EGLN3: variants seen among roughly 807,000 people sequenced by gnomAD.
The protein encoded by EGLN3 is prolyl hydroxylase EGLN3.
A neutral mutation model predicts 26.0 loss-of-function variants in EGLN3; 15 were observed. The observed-to-expected ratio is 0.58, with a 90% confidence interval of 0.39 to 0.89. The LOEUF is 0.89. Ranked by LOEUF, EGLN3 falls within the 40% of genes least tolerant of loss-of-function variation. The pLI, the probability that EGLN3 is intolerant of heterozygous loss-of-function variation, is 0.00. For synonymous variants in EGLN3, 147 were observed against 127.2 expected (o/e 1.16, Z -1.05); for missense variants, 238 against 311.6 (o/e 0.76, Z 1.78).
chr14:33,928,962 A>T (rs530473401), intron 3 of EGLN3, 114 bp downstream of exon 3: 66 of 1,293,548 alleles, frequency 5.1e-5, no homozygotes, highest in Non-Finnish European at 6.8e-5. Flanking sequence ...GTTTGCTATC[A>T]GCTATGGGGT....
intron 1 of EGLN3, among the ~76,000 whole-genome samples, chr14:33,941,559 CA>C (rs3216003): frequency 0.17 from 25,753 of 150,160 alleles, 2,444 homozygotes; most frequent in South Asian, 0.3. Context: ...CTATCCCCCC[CA>C]AAAAAAATTC....
chr14:33,932,246 A>G (rs952345900), intron 1 of EGLN3, among the ~76,000 whole-genome samples: 1 of 152,224 alleles, frequency 6.6e-6, no homozygotes, highest in African/African-American at 2.4e-5. Context: ...GAAGGTGTCC[A>G]TCTAAAATGT....
At chr14:33,947,822 C>T (rs1366255378) in intron 1 of EGLN3, among the ~76,000 whole-genome samples, 4 of 152,150 alleles carry the variant, frequency 2.6e-5, no homozygotes, top group African/African-American at 7.2e-5. Flanking sequence ...GAGGCCGAGG[C>T]GGGTGGATCA....
At chr14:33,926,888 A>AGTCATG in intron 4 of EGLN3, 72 bp downstream of exon 4, 1 of 1,172,416 alleles carries the variant, frequency 8.5e-7, no homozygotes. Context: ...AACATGTTTA[A>AGTCATG]AACTACATAA....
chr14:33,931,766 A>T (rs754755794), intron 1 of EGLN3, among the ~76,000 whole-genome samples: 5 of 152,262 alleles, frequency 3.3e-5, no homozygotes, highest in Non-Finnish European at 7.3e-5. Flanking sequence ...ATAGAGGAAG[A>T]TCAATAGGAA....
Position 33,925,393 on chromosome 14 carries a change from C to T in EGLN3, c.*498G>A, listed in dbSNP as rs189113700. ...ATGTCATTAGGTTGTGATAATTCTC[C>T]AGAAACCCCAACAGCCCTGGATTAA... On this transcript the variant is annotated 3_prime_UTR_variant, in exon 5 of 5. Transcript: ENST00000250457. 6.4e-6 allele frequency: 1 copy of T among 156,542 alleles called. No homozygotes were observed. The highest frequency in any genetic ancestry group is 6.2e-5 in the Admixed American group (1 of 16,160). The allele number at this position is 156,542 out of a possible 1,614,324, so 9.7% of individuals were successfully genotyped here. A position where few individuals can be genotyped will look rare whatever the true frequency, so the allele number is the denominator to read the frequency against.
chr14:33,930,540 A>G (rs1479569873), intron 2 of EGLN3, among the ~76,000 whole-genome samples: 1 of 152,228 alleles, frequency 6.6e-6, no homozygotes, highest in East Asian at 1.9e-4. Flanking sequence ...ACCAGGCTTC[A>G]TATCTCCATC....
chr14:33,935,614 C>T (rs1566598834), intron 1 of EGLN3, among the ~76,000 whole-genome samples: 1 of 139,218 alleles, frequency 7.2e-6, no homozygotes, highest in African/African-American at 2.7e-5. Context: ...CACACACACA[C>T]ACACACATAT....
intron 1 of EGLN3, among the ~76,000 whole-genome samples, chr14:33,935,230 A>G (rs180950034): frequency 7.9e-5 from 12 of 152,336 alleles, no homozygotes; most frequent in African/African-American, 2.9e-4. Flanking sequence ...TAAGTGCTTA[A>G]TAAATGTTAG....
intron 1 of EGLN3, 175 bp from the exon 2 acceptor site, chr14:33,931,390 T>G: frequency 1.2e-6 from 1 of 817,574 alleles, no homozygotes; most frequent in Non-Finnish European, 1.9e-6. Flanking sequence ...CTGTGCACAA[T>G]GGCCAGGTCA....
chr14:33,931,022 C>T, intron 2 of EGLN3, 74 bp downstream of exon 2: 1 of 1,584,430 alleles, frequency 6.3e-7, no homozygotes, highest in African/African-American at 1.3e-5. Flanking sequence ...TCAATATAAA[C>T]TCTCCTCTAA....
intron 1 of EGLN3, among the ~76,000 whole-genome samples, chr14:33,942,757 C>T (rs896985444): frequency 6.6e-6 from 1 of 152,060 alleles, no homozygotes; most frequent in Non-Finnish European, 1.5e-5. Context: ...TGTATGGCAA[C>T]AATAAGTATT....
At chr14:33,938,835 C>T (rs1235585222) in intron 1 of EGLN3, among the ~76,000 whole-genome samples, 11 of 152,206 alleles carry the variant, frequency 7.2e-5, no homozygotes, top group Admixed American at 7.2e-4. Context: ...CCCTGAGTCA[C>T]ACCGCTCCAA....
Position 33,950,994 on chromosome 14 carries a change from G to C in EGLN3, c.-242C>G, listed in dbSNP as rs539666686. The C allele has an allele frequency of 1.8e-6, 1 of 542,926 alleles. No homozygotes were observed. Among genetic ancestry groups the C allele is most frequent in the African/African-American group, 1.9e-5 (1 of 52,788 alleles). 33.6% of individuals were successfully genotyped at this position (542,926 alleles called of 1,614,324 possible). On this transcript the variant is annotated 5_prime_UTR_variant, in exon 1 of 5. Transcript: ENST00000250457. ...GAGCTCCACGACCCGTTTCCGGACT[G>C]GCCCGGCGAGCAGTGCGGCGCAAGG...
intron 1 of EGLN3, among the ~76,000 whole-genome samples, chr14:33,943,580 A>G (rs925484426): frequency 2.0e-5 from 3 of 152,248 alleles, no homozygotes; most frequent in Non-Finnish European, 4.4e-5. Context: ...GTGGGCACAG[A>G]TCAAAATGTA....
chr14:33,939,215 T>TG (rs200484498), intron 1 of EGLN3, among the ~76,000 whole-genome samples: 21 of 69,566 alleles, frequency 3.0e-4, no homozygotes, highest in African/African-American at 1.1e-3. Flanking sequence ...CATCTTTTTT[T>TG]TTTTTTCTTT....
chr14:33,932,396 T>C (rs1053020077), intron 1 of EGLN3, among the ~76,000 whole-genome samples: 10 of 152,222 alleles, frequency 6.6e-5, no homozygotes, highest in African/African-American at 2.4e-4. Context: ...ATATATTTCC[T>C]GATAAATGGC....
chr14:33,941,401 G>A (rs1447649841), intron 1 of EGLN3, among the ~76,000 whole-genome samples: 6 of 150,492 alleles, frequency 4.0e-5, no homozygotes, highest in East Asian at 3.9e-4. Context: ...CTAGGATTTC[G>A]AAACTGAGAA....
chr14:33,943,384 T>C (rs1566601048), intron 1 of EGLN3, among the ~76,000 whole-genome samples: 1 of 152,198 alleles, frequency 6.6e-6, no homozygotes, highest in Non-Finnish European at 1.5e-5. Context: ...TGAACTATCA[T>C]TACTGTCAGA....
Sources: allele counts gnomAD v4.1 joint callset (sites outside exome capture counted in the v4.1 genomes callset), GRCh38; gene constraint gnomAD v4.1.1; transcripts MANE v1.5; gene names NCBI Gene and HGNC (gene_info 2026-07-23, HGNC 2026-07-21).